The following KLHDC3 variants were observed in gnomAD, a reference collection of about 807,000 sequenced individuals.
The protein encoded by KLHDC3 is kelch domain containing 3.
A neutral mutation model predicts 44.1 loss-of-function variants in KLHDC3; 5 were observed. The observed-to-expected ratio is 0.11, with a 90% CI of 0.06 to 0.24. KLHDC3 has a LOEUF of 0.24. Ranked by LOEUF, KLHDC3 falls within the 10% of genes least tolerant of loss-of-function variation. The pLI is 1.00. For synonymous variants in KLHDC3, 170 were observed against 189.0 expected, an observed-to-expected ratio of 0.90 and a Z score of 0.82; for missense variants, 247 against 514.3, an observed-to-expected ratio of 0.48 and a Z score of 5.03.
chr6:43,017,814 A>G lies in KLHDC3; in HGVS notation c.332-39A>G. The G allele has an allele frequency of 6.3e-7, 1 of 1,592,808 alleles. No homozygotes were observed. The highest frequency in any genetic ancestry group is 1.1e-5 in the South Asian group (1 of 90,738). On this transcript the variant is annotated intron_variant, in intron 3 of 10. Coordinates refer to ENST00000326974, the MANE Select transcript of KLHDC3 (RefSeq NM_057161.4). The surrounding 1 kb of genome is among the most constrained non-coding windows in gnomAD (Gnocchi z 6.0). The stretch of plus-strand genomic sequence containing the variant: ...CCCAGAGCTGAGGAGGGACTGTCAT[A>G]GAGGGTGCTTAGTTGAGCCATTTTC...
Position 43,017,229 on chromosome 6 carries a change from C to T in KLHDC3, c.37C>T (p.Arg13Cys), listed in dbSNP as rs966366081. 6 of 1,614,024 alleles carry T rather than the reference C, an allele frequency of 3.7e-6. No individual in the cohort carries two copies. Among genetic ancestry groups the T allele is most frequent in the South Asian group, 2.2e-5 (2 of 91,090 alleles). ...RWTVHLEGGP[R>C]RVNHAAVAVG... Reference sequence around the variant, plus strand: ...GACAGTGCACCTGGAGGGCGGGCCCCGCAGGGTGAACCATGCTGCAGTGGC... The same window carrying T: ...GACAGTGCACCTGGAGGGCGGGCCCTGCAGGGTGAACCATGCTGCAGTGGC... The change falls in exon 2 of 11, where the codon CGC becomes TGC. Residue 13 changes from arginine to cysteine, a missense_variant. Physicochemically the swap from Arg to Cys is radical, Grantham distance 180. This residue lies in a region of KLHDC3 where 71 missense variants were observed against 100.8 expected (regional missense o/e 0.70). Coordinates refer to ENST00000326974, the MANE Select transcript of KLHDC3 (RefSeq NM_057161.4). The surrounding 1 kb of genome is among the most constrained non-coding windows in gnomAD (Gnocchi z 6.0).
In KLHDC3 at chr6:43,018,121, T is replaced by C; in HGVS notation, c.448-24T>C. 6.4e-7 allele frequency: 1 copy of C among 1,573,774 alleles called. No homozygotes were observed. Among genetic ancestry groups the C allele is most frequent in the Non-Finnish European group, 8.7e-7 (1 of 1,143,518 alleles). ...AGTGACCATTGGCTCCCTCTTTTCT[T>C]CCTCCTTTTCTCTTCCTACTCAGGC... is the stretch of plus-strand genomic sequence containing the variant. On this transcript the variant is annotated intron_variant, in intron 4 of 10. Transcript: ENST00000326974. The surrounding 1 kb of genome is among the most constrained non-coding windows in gnomAD (Gnocchi z 6.0).
At chr6:43,020,465 G>A (rs891043204) in intron 10 of KLHDC3, among the ~76,000 whole-genome samples, 9 of 152,250 alleles carry the variant, frequency 5.9e-5, no homozygotes, top group Non-Finnish European at 1.3e-4. Context: ...GAGCTTGGAG[G>A]TAGAGGAGTG....
rs1268228346 is a variant in KLHDC3, at chr6:43,017,038, G to A, written c.-59-96G>A. On this transcript the variant is annotated intron_variant, in intron 1 of 10. Transcript: ENST00000326974. This position sits in a 1 kb window ranked among gnomAD's most constrained non-coding sequence, Gnocchi z 6.0. ...AGGGGTAGTGTGGGAGGGCCCCCAGGGTGACACTTGGAGGCAAAGGCTGGT... is the reference window on the plus strand; with the variant it reads ...AGGGGTAGTGTGGGAGGGCCCCCAGAGTGACACTTGGAGGCAAAGGCTGGT... 17 of 845,314 alleles carry A rather than the reference G, an allele frequency of 2.0e-5. No homozygotes were observed. The South Asian group carries it at 2.6e-4, about 13-fold the overall frequency. 52.4% of individuals were successfully genotyped at this position (845,314 alleles called of 1,614,324 possible).
chr6:43,020,653 T>C lies in KLHDC3; in HGVS notation c.1083-14T>C, dbSNP rs371901491. The C allele has an allele frequency of 6.8e-5, 110 of 1,610,308 alleles. No homozygotes were observed. Among genetic ancestry groups the C allele is most frequent in the Non-Finnish European group, 8.8e-5 (104 of 1,176,800 alleles). On this transcript the variant is annotated splice_polypyrimidine_tract_variant and intron_variant, in intron 10 of 10. Coordinates refer to ENST00000326974, the MANE Select transcript of KLHDC3 (RefSeq NM_057161.4). ...GCCCCCTCTTCTTTCTGTCTCTTAT[T>C]GTTGGCCTTCCAGGTGGGAGCTGAA...
rs753670431 is a variant in KLHDC3 at position 43,018,569 on chromosome 6, T to TA, written c.733+14dup. The TA allele has an allele frequency of 6.2e-6, 10 of 1,613,732 alleles. No homozygotes were observed. The highest frequency in any genetic ancestry group is 3.4e-6 in the Non-Finnish European group (4 of 1,179,700). On this transcript the variant is annotated intron_variant, in intron 6 of 10. Coordinates refer to ENST00000326974, the MANE Select transcript of KLHDC3 (RefSeq NM_057161.4). The surrounding 1 kb of genome is among the most constrained non-coding windows in gnomAD (Gnocchi z 6.0). ...AGCCACTCGGCCTGTGAGTGTTTGT[T>TA]ACTTCCCTGTGGAGTTCCCTTCCTG...
rs1318064616 is a variant in KLHDC3, at chr6:43,017,060, T to C, written c.-59-74T>C. On this transcript the variant is annotated intron_variant, in intron 1 of 10. Transcript: ENST00000326974. The surrounding 1 kb of genome is among the most constrained non-coding windows in gnomAD (Gnocchi z 6.0). ...CAGGGTGACACTTGGAGGCAAAGGC[T>C]GGTTCTGGGCAGAGTCACAGTGAGC... 6 of 1,042,570 alleles carry C rather than the reference T, an allele frequency of 5.8e-6. No homozygotes were observed. Among genetic ancestry groups the C allele is most frequent in the Non-Finnish European group, 8.4e-6 (6 of 711,486 alleles). The allele number at this position is 1,042,570 out of a possible 1,614,324, so 64.6% of individuals were successfully genotyped here.
Position 43,019,259 on chromosome 6 carries a change from A to G in KLHDC3, c.1004-29A>G, listed in dbSNP as rs185999855. 8.8e-6 allele frequency: 14 copies of G among 1,590,794 alleles called. No individual in the cohort carries two copies. In the Admixed American group the frequency reaches 2.0e-4, roughly 23 times the overall value. ...CTGGATCCTTTCCTCACCTTTGACC[A>G]TCTCCTTTCCACAACTTCTCCCTTA... On this transcript the variant is annotated intron_variant, in intron 9 of 10. Coordinates refer to ENST00000326974, the MANE Select transcript of KLHDC3 (RefSeq NM_057161.4).
At chr6:43,014,546 T>C (rs1332768769) in intron 1 of KLHDC3, 198 bp downstream of exon 1, 1 of 463,196 alleles carries the variant, frequency 2.2e-6, no homozygotes, top group Non-Finnish European at 4.3e-6. Context: ...AGGAGAGACC[T>C]GGTGTCTGGA....
chr6:43,014,486 G>A (rs1762508587), intron 1 of KLHDC3, 138 bp downstream of exon 1: 1 of 501,764 alleles, frequency 2.0e-6, no homozygotes, highest in Non-Finnish European at 3.9e-6. Context: ...TGGGAAAGGA[G>A]AGTGTTAATG....
In KLHDC3 at chr6:43,021,173, C is replaced by T. The variant is rs554916353; in HGVS notation, c.*440C>T. On this transcript the variant is annotated 3_prime_UTR_variant, in exon 11 of 11. Coordinates refer to ENST00000326974, the MANE Select transcript of KLHDC3 (RefSeq NM_057161.4). ...GGAGTTGCAGCTGTTGGCATGAGAC[C>T]TCCTTCTCCCCGTCTTGGGGAGGTG... 2.2e-6 allele frequency: 1 copy of T among 455,528 alleles called. No individual in the cohort carries two copies. The highest frequency in any genetic ancestry group is 4.4e-6 in the Non-Finnish European group (1 of 227,394). The allele number at this position is 455,528 out of a possible 1,614,324, so 28.2% of individuals were successfully genotyped here.
chr6:43,017,495 G>C lies in KLHDC3; in HGVS notation c.155-24G>C. ...GGACAGCCTGGAGGGAGGTTCCCAGGGCTGAGCAGAGCTGTGCCCACAGTG... is the reference window on the plus strand; with the variant it reads ...GGACAGCCTGGAGGGAGGTTCCCAGCGCTGAGCAGAGCTGTGCCCACAGTG... On this transcript the variant is annotated intron_variant, in intron 2 of 10. Coordinates refer to ENST00000326974, the MANE Select transcript of KLHDC3 (RefSeq NM_057161.4). This position sits in a 1 kb window ranked among gnomAD's most constrained non-coding sequence, Gnocchi z 6.0. The C allele has an allele frequency of 6.4e-7, 1 of 1,574,566 alleles. No homozygotes were observed. The highest frequency in any genetic ancestry group is 1.7e-4 in the Middle Eastern group (1 of 5,782).
Position 43,017,610 on chromosome 6 carries a change from C to T in KLHDC3, c.246C>T (p.Thr82=), listed in dbSNP as rs747128719. ...CCTACATGCGCTATGGACACTCAAC[C>T]GTCCTCATCGACGACACAGTCCTCC... The part of the protein sequence containing the change: ...VVPYMRYGHS[T]VLIDDTVLLW... Residue 82 remains threonine, a synonymous_variant, in exon 3 of 11, where the codon ACC becomes ACT. Transcript: ENST00000326974. This position sits in a 1 kb window ranked among gnomAD's most constrained non-coding sequence, Gnocchi z 6.0. 22 of 1,614,002 alleles carry T rather than the reference C, an allele frequency of 1.4e-5. No homozygotes were observed. The highest frequency in any genetic ancestry group is 2.7e-5 in the African/African-American group (2 of 74,930).
At position 43,020,768 on chromosome 6, in the gene KLHDC3, C is replaced by T. The variant is rs891068953; in HGVS notation, c.*35C>T. On this transcript the variant is annotated 3_prime_UTR_variant, in exon 11 of 11. Coordinates refer to ENST00000326974, the MANE Select transcript of KLHDC3 (RefSeq NM_057161.4). ...TCTGCCACCTCCCCTCCTGAGCCTG[C>T]TGTCATCTTCACTGCCCCTGCCCAT... 2 of 1,532,242 alleles carry T rather than the reference C, an allele frequency of 1.3e-6. No homozygotes were observed. Among genetic ancestry groups the T allele is most frequent in the South Asian group, 1.1e-5 (1 of 89,476 alleles). 94.9% of individuals were successfully genotyped at this position (1,532,242 alleles called of 1,614,324 possible). A position where few individuals can be genotyped will look rare whatever the true frequency, so the allele number is the denominator to read the frequency against.
chr6:43,019,393 A>G (rs537313696), intron 10 of KLHDC3, 27 bp downstream of exon 10: 4 of 1,522,420 alleles, frequency 2.6e-6, no homozygotes, highest in Non-Finnish European at 3.6e-6. Context: ...GAAGGGAGGG[A>G]TTGAGTGAGG....
Position 43,019,156 on chromosome 6 carries a change from T to C in KLHDC3, c.994T>C (p.Leu332=), listed in dbSNP as rs1436960145. ...DLIDHSDLHI[L]DFSPSLKTLC... ...TATAGATCATTCTGACTTACACATTTTGGACTTTAGTAAGTATAGTTATTC... is the reference window on the plus strand; with the variant it reads ...TATAGATCATTCTGACTTACACATTCTGGACTTTAGTAAGTATAGTTATTC... Residue 332 remains leucine (L), a synonymous_variant, in exon 9 of 11, where the codon TTG becomes CTG. Transcript: ENST00000326974. 3.1e-6 allele frequency: 5 copies of C among 1,611,546 alleles called. No homozygotes were observed. In the Admixed American group the frequency reaches 8.3e-5, roughly 27 times the overall value.
In KLHDC3 at chr6:43,018,310, T is replaced by C. The variant is rs769270187; in HGVS notation, c.520-33T>C. ...GGAGATCCTCTTCCAGTCTTTGTGC[T>C]GACCCCTCCACCATCTCTCTGCCTC... is the stretch of plus-strand genomic sequence containing the variant. On this transcript the variant is annotated intron_variant, in intron 5 of 10. Coordinates refer to ENST00000326974, the MANE Select transcript of KLHDC3 (RefSeq NM_057161.4). This position sits in a 1 kb window ranked among gnomAD's most constrained non-coding sequence, Gnocchi z 6.0. The C allele has an allele frequency of 6.2e-7, 1 of 1,600,260 alleles. No homozygotes were observed. Among genetic ancestry groups the C allele is most frequent in the Non-Finnish European group, 8.6e-7 (1 of 1,168,146 alleles).
At chr6:43,014,681 G>A (rs1762517444) in intron 1 of KLHDC3, 5 of 454,482 alleles carry the variant, frequency 1.1e-5, no homozygotes, top group Non-Finnish European at 2.2e-5. Flanking sequence ...AAGAAGACAG[G>A]GATAGAGTCA....
At chr6:43,020,519 C>G in intron 10 of KLHDC3, 148 bp from the exon 11 acceptor site, 1 of 642,114 alleles carries the variant, frequency 1.6e-6, no homozygotes, top group South Asian at 1.8e-5. Flanking sequence ...ATTGTTCAAC[C>G]TAGTAGGTCT....
Sources: gnomAD v4.1 joint callset for allele counts (sites outside exome capture counted in the v4.1 genomes callset) on GRCh38, gnomAD v4.1.1 for gene constraint, gnomAD v4.1.1 regional missense constraint, Gnocchi (gnomAD v3.1) non-coding constraint, MANE v1.5 for transcripts, NCBI Gene and HGNC (gene_info 2026-07-23, HGNC 2026-07-21) for gene names.